The following ARHGEF28 variants were observed in gnomAD, a reference collection of about 807,000 sequenced individuals.
The protein encoded by ARHGEF28 is 190 kDa guanine nucleotide exchange factor.
In ARHGEF28, 152 loss-of-function variants were observed where a neutral mutation model predicts 206.6. The observed-to-expected ratio is 0.74, with a 90% CI of 0.64 to 0.84. The LOEUF is 0.84. Ranked by LOEUF, ARHGEF28 falls within the 40% of genes least tolerant of loss-of-function variation. ARHGEF28 has a pLI of 0.00. For synonymous variants in ARHGEF28, 763 were observed against 776.4 expected (o/e 0.98, Z 0.29); for missense variants, 2,028 against 2,073.2 (o/e 0.98, Z 0.42).
rs116078011 is a variant in ARHGEF28, at chr5:73,821,067, G to A, written c.1025-11271G>A. Among the ~76,000 whole-genome samples the A allele has an allele frequency of 6.0e-3, 916 of 152,122 alleles. 8 individuals carry two copies. The highest frequency in any genetic ancestry group is 0.02 in the African/African-American group (843 of 41,472). On this transcript the variant is annotated intron_variant, in intron 9 of 35. Coordinates refer to ENST00000513042, the MANE Select transcript of ARHGEF28 (RefSeq NM_001177693.2). ...CTGGTCAGTGTCATCCCTGACAATC[G>A]AGAGTCCTGGTTATGAATGTTGACA...
intron 1 of ARHGEF28, among the ~76,000 whole-genome samples, chr5:73,675,583 A>G (rs2112226980): frequency 6.6e-6 from 1 of 152,074 alleles, no homozygotes; most frequent in East Asian, 1.9e-4. Flanking sequence ...ATACAAAAAA[A>G]TTAGCTGGGC....
At chr5:73,823,882 T>A (rs868247735) in intron 9 of ARHGEF28, among the ~76,000 whole-genome samples, 2 of 152,224 alleles carry the variant, frequency 1.3e-5, no homozygotes, top group African/African-American at 4.8e-5. Context: ...CACTGCAGTT[T>A]CCTCATCTGT....
intron 20 of ARHGEF28, among the ~76,000 whole-genome samples, chr5:73,869,782 C>T (rs1759975521): frequency 6.6e-6 from 1 of 152,088 alleles, no homozygotes; most frequent in Non-Finnish European, 1.5e-5. Flanking sequence ...GTGGCACATG[C>T]CTGTAATTCT....
chr5:73,742,208 G>T (rs1751475775), intron 2 of ARHGEF28, among the ~76,000 whole-genome samples: 1 of 152,052 alleles, frequency 6.6e-6, no homozygotes, highest in Non-Finnish European at 1.5e-5. Flanking sequence ...TATGTCTCTT[G>T]TTGGCAGTGT....
intron 1 of ARHGEF28, among the ~76,000 whole-genome samples, chr5:73,645,914 A>T (rs1273645728): frequency 6.6e-6 from 1 of 151,838 alleles, no homozygotes; most frequent in East Asian, 1.9e-4. Context: ...GTCAGTGGGT[A>T]ACTACATAAA....
chr5:73,671,738 A>ATTTTTTT (rs1172905776), intron 1 of ARHGEF28, among the ~76,000 whole-genome samples: 2 of 9,916 alleles, frequency 2.0e-4, no homozygotes, highest in Non-Finnish European at 3.2e-4. Flanking sequence ...ATATATATAT[A>ATTTTTTT]TTTTTTTTTT....
intron 14 of ARHGEF28, among the ~76,000 whole-genome samples, chr5:73,853,333 C>T (rs2112602844): frequency 6.6e-6 from 1 of 152,314 alleles, no homozygotes; most frequent in South Asian, 2.1e-4. Context: ...GAAATAGCCC[C>T]AGGGTTGTAT....
At chr5:73,657,023 A>G (rs1745252810) in intron 1 of ARHGEF28, among the ~76,000 whole-genome samples, 1 of 151,942 alleles carries the variant, frequency 6.6e-6, no homozygotes, top group Non-Finnish European at 1.5e-5. Context: ...TATATAAAAA[A>G]TTAGCCAGGC....
chr5:73,868,580 T>C (rs1441779232), intron 20 of ARHGEF28, among the ~76,000 whole-genome samples: 1 of 152,234 alleles, frequency 6.6e-6, no homozygotes, highest in Admixed American at 6.5e-5. Flanking sequence ...AAACATACTT[T>C]AGTTAGTTAA....
At chr5:73,663,806 CT>C (rs1745772868) in intron 1 of ARHGEF28, among the ~76,000 whole-genome samples, 1 of 152,040 alleles carries the variant, frequency 6.6e-6, no homozygotes, top group Non-Finnish European at 1.5e-5. Context: ...TTTGTTTTAA[CT>C]TTGGATTTTA....
chr5:73,668,637 T>A (rs569967699), intron 1 of ARHGEF28, among the ~76,000 whole-genome samples: 2 of 152,168 alleles, frequency 1.3e-5, no homozygotes, highest in African/African-American at 4.8e-5. Context: ...CCCATATACA[T>A]TTTTCTCAAT....
rs1561452580 is a variant in ARHGEF28 at position 73,846,430 on chromosome 5, C to T, written c.1590C>T (p.Ile530=). 2.5e-6 allele frequency: 4 copies of T among 1,613,960 alleles called. No homozygotes were observed. Among genetic ancestry groups the T allele is most frequent in the Non-Finnish European group, 3.4e-6 (4 of 1,179,870 alleles). The part of the protein sequence containing the change: ...FETNTEPDFN[I]SRAESLPLSS... ...CTAACACTGAACCGGATTTTAATATCTCCAGGGCTGAATCCCTTCCTCTAT... is the reference window on the plus strand; with the variant it reads ...CTAACACTGAACCGGATTTTAATATTTCCAGGGCTGAATCCCTTCCTCTAT... Residue 530 remains isoleucine (I), a synonymous_variant, in exon 12 of 36, where the codon ATC becomes ATT. Coordinates refer to ENST00000513042, the MANE Select transcript of ARHGEF28 (RefSeq NM_001177693.2).
intron 4 of ARHGEF28, among the ~76,000 whole-genome samples, chr5:73,770,412 C>G (rs551301132): frequency 6.6e-6 from 1 of 152,262 alleles, no homozygotes; most frequent in South Asian, 2.1e-4. Flanking sequence ...TTTTCATGCT[C>G]TCATGATGTT....
In ARHGEF28 at chr5:73,940,866, G is replaced by A. The variant is rs570787875; in HGVS notation, c.4971G>A (p.Glu1657=). The A allele has an allele frequency of 5.9e-6, 9 of 1,524,048 alleles. No homozygotes were observed. The East Asian group carries it at 7.5e-5, about 13-fold the overall frequency. 94.4% of individuals were successfully genotyped at this position (1,524,048 alleles called of 1,614,324 possible). A position where few individuals can be genotyped will look rare whatever the true frequency, so the allele number is the denominator to read the frequency against. ...CKNDLDTSHT[E]SPTPHDSNSH... is the part of the protein sequence containing the mutation. ...CAGATTTGGACACCTCCCACACTGA[G>A]TCCCCAACCCCCCATGACTCAAATT... is the stretch of plus-strand genomic sequence containing the variant. The change falls in exon 36 of 36, where the codon GAG becomes GAA. Residue 1657 remains glutamate, a synonymous_variant. Coordinates refer to ENST00000513042, the MANE Select transcript of ARHGEF28 (RefSeq NM_001177693.2).
chr5:73,704,608 A>T (rs1748818453), intron 2 of ARHGEF28, among the ~76,000 whole-genome samples: 1 of 152,078 alleles, frequency 6.6e-6, no homozygotes, highest in Admixed American at 6.5e-5. Context: ...TATTTTTAGT[A>T]GAAATGGGGT....
At chr5:73,636,728 T>C (rs991925487) in intron 1 of ARHGEF28, among the ~76,000 whole-genome samples, 1 of 152,154 alleles carries the variant, frequency 6.6e-6, no homozygotes, top group African/African-American at 2.4e-5. Context: ...CACTGATATA[T>C]AGGGTGGGTC....
At chr5:73,916,177 TAAG>T (rs1763203251) in intron 35 of ARHGEF28, among the ~76,000 whole-genome samples, 3 of 152,148 alleles carry the variant, frequency 2.0e-5, no homozygotes, top group Admixed American at 6.5e-5. Context: ...AAATAAGTCT[TAAG>T]AAGTGAGAGG....
chr5:73,858,285 C>G, intron 16 of ARHGEF28, 66 bp downstream of exon 16: 1 of 1,504,266 alleles, frequency 6.6e-7, no homozygotes, highest in Non-Finnish European at 8.9e-7. Context: ...TGGGAAGAGG[C>G]TCATTGCTCA....
intron 2 of ARHGEF28, among the ~76,000 whole-genome samples, chr5:73,746,207 A>G (rs559987325): frequency 6.6e-6 from 1 of 152,124 alleles, no homozygotes; most frequent in Non-Finnish European, 1.5e-5. Flanking sequence ...ATCTCAAAGG[A>G]TAAAAATTAC....
Sources: allele counts gnomAD v4.1 joint callset (sites outside exome capture counted in the v4.1 genomes callset), GRCh38; gene constraint gnomAD v4.1.1; transcripts MANE v1.5; gene names NCBI Gene and HGNC (gene_info 2026-07-23, HGNC 2026-07-21).